Variants in NPC1L1 observed in about 807,000 individuals in gnomAD.
NPC1L1 encodes NPC1-like intracellular cholesterol transporter 1.
In NPC1L1, 98 loss-of-function variants were observed where a neutral mutation model predicts 117.0. The ratio of observed to expected loss-of-function variants is 0.84; its 90% CI spans 0.71 to 0.99. The LOEUF is 0.99. Among genes scored for constraint, NPC1L1 ranks in the 50% least tolerant of loss-of-function variants. NPC1L1 has a pLI of 0.00. For synonymous variants in NPC1L1, 729 were observed against 727.6 expected (o/e 1.00, Z -0.03); for missense variants, 1,540 against 1,710.0 (o/e 0.90, Z 1.75).
chr7:44,541,167 GA>G, intron 1 of NPC1L1, 38 bp downstream of exon 1: 1 of 1,547,106 alleles, frequency 6.5e-7, no homozygotes, highest in Non-Finnish European at 8.7e-7. Context: ...TCCCTAACTG[GA>G]GGCCGCAGGG....
chr7:44,532,330 C>T, intron 8 of NPC1L1, 113 bp from the exon 9 acceptor site: 2 of 1,179,286 alleles, frequency 1.7e-6, no homozygotes, highest in Non-Finnish European at 2.5e-6. Flanking sequence ...CCAGTGCCCT[C>T]ATGGAGACAT....
chr7:44,520,711 G>A, intron 14 of NPC1L1, 54 bp downstream of exon 14: 2 of 1,498,986 alleles, frequency 1.3e-6, no homozygotes, highest in African/African-American at 1.4e-5. Context: ...GGTTTTCGGG[G>A]GCCCTCCAGA....
Position 44,535,878 on chromosome 7 carries a change from G to C in NPC1L1, c.1945C>G (p.Leu649Val), listed in dbSNP as rs770094422. 5.5e-5 allele frequency: 89 copies of C among 1,613,376 alleles called. No homozygotes were observed. In the Admixed American group the frequency reaches 1.4e-3, roughly 26 times the overall value. ...CAGCTGGAATAGCTGCCCAGGGCCAGAGAGATGTACAGGAATATGACAATG... is the reference window on the plus strand; with the variant it reads ...CAGCTGGAATAGCTGCCCAGGGCCACAGAGATGTACAGGAATATGACAATG... ...SYIVIFLYIS[L>V]ALGSYSSWSR... The change falls in exon 5 of 19, where the codon CTG (leucine) becomes GTG (valine). Residue 649 changes from leucine (L) to valine (V), a missense_variant. Physicochemically the swap from Leu to Val is conservative, Grantham distance 32. This residue lies in a region of NPC1L1 where 742 missense variants were observed against 873.6 expected (regional missense o/e 0.85). Transcript: ENST00000381160.
Position 44,513,104 on chromosome 7 carries a change from A to G in NPC1L1, c.*343T>C, listed in dbSNP as rs959572935. 2.6e-6 allele frequency: 1 copy of G among 384,892 alleles called. No individual in the cohort carries two copies. The highest frequency in any genetic ancestry group is 3.7e-5 in the Admixed American group (1 of 27,192). The allele number at this position is 384,892 out of a possible 1,614,324, so 23.8% of individuals were successfully genotyped here. A position where few individuals can be genotyped will look rare whatever the true frequency, so the allele number is the denominator to read the frequency against. On this transcript the variant is annotated 3_prime_UTR_variant, in exon 19 of 19. Transcript: ENST00000381160. ...TAAGACTTTCGAGAGAGGAACTGAG[A>G]AGGGAAAAGTTGGATGAGAAGTGGG...
chr7:44,535,927 G>A lies in NPC1L1; in HGVS notation c.1896C>T (p.Asp632=), dbSNP rs755117955. 5.8e-5 allele frequency: 94 copies of A among 1,613,374 alleles called. No individual in the cohort carries two copies. The highest frequency in any genetic ancestry group is 7.5e-5 in the Non-Finnish European group (88 of 1,180,034). Residue 632 remains aspartate (D), a synonymous_variant, in exon 5 of 19, where the codon GAC becomes GAT. Transcript: ENST00000381160. The part of the protein sequence containing the change: ...EDEINRTTAE[D]LPIFATSYIV... ...TGTAGCTGGTGGCAAAGATGGGCAG[G>A]TCTTCAGCTGTGGTGCGATTGATCT...
chr7:44,525,034 A>T (rs1801467806), intron 10 of NPC1L1, among the ~76,000 whole-genome samples: 1 of 152,144 alleles, frequency 6.6e-6, no homozygotes, highest in Non-Finnish European at 1.5e-5. Context: ...AAAATAACGA[A>T]AGTGAACAGA....
chr7:44,526,777 A>G (rs889044444), intron 10 of NPC1L1, among the ~76,000 whole-genome samples: 2 of 152,108 alleles, frequency 1.3e-5, no homozygotes, highest in Non-Finnish European at 2.9e-5. Context: ...TAATCCTAGC[A>G]CTTTGGGAGG....
rs1261398757 is a variant in NPC1L1, at chr7:44,512,952, A to G, written c.*495T>C. Reference sequence around the variant, plus strand: ...GGGAGTGGCTGCCGACCGGCCTCCCACAGCGTTGGCTCTTGGCCTGAGCCT... The same window carrying G: ...GGGAGTGGCTGCCGACCGGCCTCCCGCAGCGTTGGCTCTTGGCCTGAGCCT... On this transcript the variant is annotated 3_prime_UTR_variant, in exon 19 of 19. Coordinates refer to ENST00000381160, the MANE Select transcript of NPC1L1 (RefSeq NM_001101648.2). 1 of 190,010 alleles carries G rather than the reference A, an allele frequency of 5.3e-6. No homozygotes were observed. Among genetic ancestry groups the G allele is most frequent in the African/African-American group, 2.3e-5 (1 of 42,830 alleles). 11.8% of individuals were successfully genotyped at this position (190,010 alleles called of 1,614,324 possible).
chr7:44,520,709 G>T, intron 14 of NPC1L1, 56 bp downstream of exon 14: 1 of 1,494,070 alleles, frequency 6.7e-7, no homozygotes, highest in Non-Finnish European at 9.3e-7. Context: ...GGGGTTTTCG[G>T]GGGCCCTCCA....
intron 10 of NPC1L1, 39 bp downstream of exon 10, chr7:44,531,716 A>G: frequency 6.5e-7 from 1 of 1,539,522 alleles, no homozygotes; most frequent in Non-Finnish European, 8.8e-7. Context: ...CCCTCCCCAA[A>G]TCCCAGGGGC....
chr7:44,526,564 A>C (rs889011925), intron 10 of NPC1L1, among the ~76,000 whole-genome samples: 4 of 149,802 alleles, frequency 2.7e-5, no homozygotes, highest in Non-Finnish European at 5.9e-5. Context: ...AAAAAAAAAA[A>C]CTAAAAATTA....
chr7:44,515,700 A>G, intron 18 of NPC1L1, 103 bp downstream of exon 18: 1 of 1,420,650 alleles, frequency 7.0e-7, no homozygotes, highest in Non-Finnish European at 9.9e-7. Context: ...ACATCTGCCC[A>G]TGGCTCGTTT....
chr7:44,541,206 C>A lies in NPC1L1; in HGVS notation c.54G>T (p.Leu18Phe). The change falls in exon 1 of 19, where the codon TTG becomes TTT. Residue 18 changes from leucine (L) to phenylalanine (F), a missense_variant and splice_region_variant. Physicochemically the swap from Leu to Phe is conservative, Grantham distance 22 (BLOSUM62 0). Around this residue, in one of 3 missense-constraint regions of NPC1L1, gnomAD observed 793 missense variants for 820.4 expected, o/e 0.97. Coordinates refer to ENST00000381160, the MANE Select transcript of NPC1L1 (RefSeq NM_001101648.2). ...GWLLWALLLR[L>F]AQSEPYTTIH... is the part of the protein sequence containing the mutation. The stretch of plus-strand genomic sequence containing the variant: ...GGTGGAGCCAAGCCCTGGGACTCAC[C>A]AAGCGCAGGAGCAGGGCCCACAGCA... The A allele has an allele frequency of 6.5e-7, 1 of 1,549,764 alleles. No homozygotes were observed. Among genetic ancestry groups the A allele is most frequent in the Non-Finnish European group, 8.7e-7 (1 of 1,146,806 alleles).
chr7:44,516,837 G>A lies in NPC1L1; in HGVS notation c.3385C>T (p.Leu1129Phe). The A allele has an allele frequency of 1.9e-6, 3 of 1,614,224 alleles. No homozygotes were observed. Among genetic ancestry groups the A allele is most frequent in the Non-Finnish European group, 1.7e-6 (2 of 1,180,044 alleles). Reference sequence around the variant, plus strand: ...GAGCGCAGGTCCAGGCCCAGCAGGAGGCAGGAGACAGCGAAGGTGGGCACA... The same window carrying A: ...GAGCGCAGGTCCAGGCCCAGCAGGAAGCAGGAGACAGCGAAGGTGGGCACA... ...CLVPTFAVSC[L>F]LLGLDLRSGL... The change falls in exon 16 of 19, where the codon CTC (leucine) becomes TTC (phenylalanine). Residue 1129 changes from leucine to phenylalanine, a missense_variant. By Grantham distance (22) the Leu-to-Phe change is conservative. Coordinates refer to ENST00000381160, the MANE Select transcript of NPC1L1 (RefSeq NM_001101648.2).
rs372498105 is a variant in NPC1L1, at chr7:44,526,546, CAA to C, written c.2638-4306_2638-4305del. Among the ~76,000 whole-genome samples the C allele has an allele frequency of 8.8e-3, 602 of 68,318 alleles. 8 individuals are homozygous for C. Among genetic ancestry groups the C allele is most frequent in the African/African-American group, 0.036 (523 of 14,386 alleles). 44.8% of individuals were successfully genotyped at this position (68,318 alleles called of 152,430 possible). On this transcript the variant is annotated intron_variant, in intron 10 of 18. Coordinates refer to ENST00000381160, the MANE Select transcript of NPC1L1 (RefSeq NM_001101648.2). ...TCTGGGTGACAGTGAGACTCCATCT[CAA>C]AAAAAAAAAAAAAAAACTAAAAATT...
intron 14 of NPC1L1, among the ~76,000 whole-genome samples, chr7:44,519,329 C>G (rs1008969889): frequency 6.6e-6 from 1 of 152,158 alleles, no homozygotes; most frequent in Non-Finnish European, 1.5e-5. Flanking sequence ...GACTTGCCCC[C>G]GGTTATGGGG....
At position 44,536,408 on chromosome 7, in the gene NPC1L1, C is replaced by G. The variant is rs750119346; in HGVS notation, c.1702G>C (p.Glu568Gln). The G allele has an allele frequency of 8.1e-6, 13 of 1,613,462 alleles. No individual in the cohort carries two copies. The highest frequency in any genetic ancestry group is 1.1e-5 in the Non-Finnish European group (13 of 1,180,026). ...AGGGAGAACGTCATGATCAGGGCCTCTGCCTCAGAATAGTCCTTTCCTGGG... is the reference window on the plus strand; with the variant it reads ...AGGGAGAACGTCATGATCAGGGCCTGTGCCTCAGAATAGTCCTTTCCTGGG... ...GYKGKDYSEA[E>Q]ALIMTFSLNN... Residue 568 changes from glutamate to glutamine, a missense_variant, in exon 4 of 19, where the codon GAG becomes CAG. Physicochemically the swap from Glu to Gln is conservative, Grantham distance 29. Coordinates refer to ENST00000381160, the MANE Select transcript of NPC1L1 (RefSeq NM_001101648.2). This position sits in a 1 kb window ranked among gnomAD's most constrained non-coding sequence, Gnocchi z 4.7.
At chr7:44,517,689 T>C (rs544169671) in intron 14 of NPC1L1, among the ~76,000 whole-genome samples, 2 of 152,340 alleles carry the variant, frequency 1.3e-5, no homozygotes, top group South Asian at 4.1e-4. Context: ...ATTAACTTAA[T>C]TGGTTTTTAA....
intron 14 of NPC1L1, among the ~76,000 whole-genome samples, chr7:44,519,327 C>G (rs1215213865): frequency 6.6e-6 from 1 of 152,132 alleles, no homozygotes; most frequent in Non-Finnish European, 1.5e-5. Flanking sequence ...CAGACTTGCC[C>G]CCGGTTATGG....
Sources: allele counts gnomAD v4.1 joint callset (sites outside exome capture counted in the v4.1 genomes callset), GRCh38; gene constraint gnomAD v4.1.1; regional missense constraint gnomAD v4.1.1; non-coding constraint Gnocchi (gnomAD v3.1); transcripts MANE v1.5; gene names NCBI Gene and HGNC (gene_info 2026-07-23, HGNC 2026-07-21).